Variants in LPP observed in about 807,000 individuals in gnomAD.
The protein encoded by LPP is lipoma-preferred partner.
In LPP, 38 loss-of-function variants were observed where a neutral mutation model predicts 60.4. The ratio of observed to expected loss-of-function variants is 0.63; its 90% CI spans 0.49 to 0.83. The LOEUF is 0.83. LPP is among the 40% of genes least tolerant of loss of function. LPP has a pLI of 0.00. For missense variants in LPP, 902 were observed against 783.6 expected (o/e 1.15, Z -1.80); for synonymous variants, 328 against 290.8 (o/e 1.13, Z -1.30).
chr3:188,717,465 T>C (rs1177106896), intron 8 of LPP, among the ~76,000 whole-genome samples: 1 of 152,190 alleles, frequency 6.6e-6, no homozygotes, highest in Non-Finnish European at 1.5e-5. Flanking sequence ...CTTTAGTGGA[T>C]CTTGTTTTCA....
intron 1 of LPP, among the ~76,000 whole-genome samples, chr3:188,194,481 A>G (rs1050619095): frequency 6.6e-6 from 1 of 152,146 alleles, no homozygotes; most frequent in Non-Finnish European, 1.5e-5. Context: ...CGTCCTGCCC[A>G]ATCTGTTTAC....
intron 9 of LPP, among the ~76,000 whole-genome samples, chr3:188,778,691 C>A (rs571535144): frequency 2.6e-5 from 4 of 152,230 alleles, no homozygotes; most frequent in Admixed American, 2.6e-4. Flanking sequence ...ATGAGAAAAT[C>A]AGGCTTGATT....
At chr3:188,479,332 T>A (rs1181277490) in intron 4 of LPP, among the ~76,000 whole-genome samples, 2 of 152,172 alleles carry the variant, frequency 1.3e-5, no homozygotes, top group Non-Finnish European at 2.9e-5. Context: ...GACATGTCAC[T>A]GCCAGTGCAG....
At position 188,886,835 on chromosome 3, in the gene LPP, A is replaced by G. The variant is rs1378870818; in HGVS notation, c.*12356A>G. ...AAGCACTTGGGTTTTCAGGCCAGAA[A>G]ATTAATAAATCCTAAACCTGACCCA... On this transcript the variant is annotated 3_prime_UTR_variant, in exon 12 of 12. Coordinates refer to ENST00000617246, the MANE Select transcript of LPP (RefSeq NM_001375462.1). 4.3e-6 allele frequency: 1 copy of G among 230,504 alleles called. No homozygotes were observed. Among genetic ancestry groups the G allele is most frequent in the Non-Finnish European group, 8.6e-6 (1 of 116,508 alleles). The allele number at this position is 230,504 out of a possible 1,614,324, so 14.3% of individuals were successfully genotyped here.
intron 9 of LPP, among the ~76,000 whole-genome samples, chr3:188,798,756 A>G (rs6809183): frequency 0.64 from 97,804 of 152,142 alleles, 31,944 homozygotes; most frequent in East Asian, 0.91. Context: ...TCATAACAAC[A>G]TGGGAAGCCC....
intron 3 of LPP, among the ~76,000 whole-genome samples, chr3:188,374,077 T>C (rs1774158037): frequency 6.6e-6 from 1 of 152,208 alleles, no homozygotes. Context: ...ATCTCTGTTT[T>C]GGTACCCGTA....
chr3:188,213,843 C>T (rs536454002), intron 1 of LPP, among the ~76,000 whole-genome samples: 1 of 152,092 alleles, frequency 6.6e-6, no homozygotes, highest in South Asian at 2.1e-4. Flanking sequence ...ATGCAATTTT[C>T]CCTGAGAGAA....
chr3:188,294,141 G>A (rs1747031939), intron 2 of LPP, among the ~76,000 whole-genome samples: 1 of 150,724 alleles, frequency 6.6e-6, no homozygotes, highest in Non-Finnish European at 1.5e-5. Flanking sequence ...GCCCACAATA[G>A]GCAAATCTAT....
chr3:188,507,135 C>T (rs962357577), intron 5 of LPP, among the ~76,000 whole-genome samples: 2 of 152,120 alleles, frequency 1.3e-5, no homozygotes, highest in African/African-American at 4.8e-5. Flanking sequence ...AGAATAGCTA[C>T]TTGATTGATA....
At chr3:188,314,305 TTTAA>T (rs1301685664) in intron 2 of LPP, among the ~76,000 whole-genome samples, 1 of 152,152 alleles carries the variant, frequency 6.6e-6, no homozygotes, top group Non-Finnish European at 1.5e-5. Flanking sequence ...TTGTTGTTGT[TTTAA>T]TTGAGACTGG....
In LPP at chr3:188,273,706, G is replaced by A. The variant is rs143972666; in HGVS notation, c.-67+48179G>A. 1.4e-3 allele frequency among the ~76,000 whole-genome samples: 195 copies of A among 140,738 alleles called. 1 individual carries two copies. In the East Asian group the frequency reaches 0.036, roughly 26 times the overall value. 92.3% of individuals were successfully genotyped at this position (140,738 alleles called of 152,430 possible). A position where few individuals can be genotyped will look rare whatever the true frequency, so the allele number is the denominator to read the frequency against. Reference sequence around the variant, plus strand: ...CACCTCCTGGGTTCAAGCGATTCTCGTGCCTCAGCCTCCCTAGTAGCTGGG... The same window carrying A: ...CACCTCCTGGGTTCAAGCGATTCTCATGCCTCAGCCTCCCTAGTAGCTGGG... On this transcript the variant is annotated intron_variant, in intron 2 of 11. Coordinates refer to ENST00000617246, the MANE Select transcript of LPP (RefSeq NM_001375462.1).
chr3:188,479,270 C>T (rs1028343504), intron 4 of LPP, among the ~76,000 whole-genome samples: 1 of 152,156 alleles, frequency 6.6e-6, no homozygotes, highest in African/African-American at 2.4e-5. Context: ...ACCAAAAATT[C>T]TCCCCTCAAC....
intron 6 of LPP, among the ~76,000 whole-genome samples, chr3:188,599,966 G>A (rs575475377): frequency 3.6e-4 from 54 of 151,890 alleles, no homozygotes; most frequent in African/African-American, 1.2e-3. Flanking sequence ...TCATTTATAA[G>A]GTTACTTTTT....
At chr3:188,712,015 A>G (rs1317294389) in intron 8 of LPP, 1 of 152,190 alleles carries the variant, frequency 6.6e-6, no homozygotes, top group Non-Finnish European at 1.5e-5. Flanking sequence ...TGTCCACGTG[A>G]GAAGTAGCAA....
chr3:188,179,127 C>A, intron 1 of LPP: 4 of 357,666 alleles, frequency 1.1e-5, no homozygotes, highest in Non-Finnish European at 2.2e-5. Flanking sequence ...GTTTTGAGAG[C>A]ATTGATATGG....
At chr3:188,708,769 A>T (rs111973676) in intron 8 of LPP, 1 of 295,198 alleles carries the variant, frequency 3.4e-6, no homozygotes, top group African/African-American at 2.1e-5. Context: ...GAGGCTGGAG[A>T]ATCACCTGAG....
chr3:188,456,493 C>T (rs1160882170), intron 4 of LPP, among the ~76,000 whole-genome samples: 1 of 152,172 alleles, frequency 6.6e-6, no homozygotes, highest in Admixed American at 6.6e-5. Flanking sequence ...AAGATATCAG[C>T]AGAGGCTTAG....
intron 5 of LPP, among the ~76,000 whole-genome samples, chr3:188,505,827 T>C (rs1813289287): frequency 6.6e-6 from 1 of 152,202 alleles, no homozygotes; most frequent in South Asian, 2.1e-4. Flanking sequence ...CAACTGCATA[T>C]CTGTAACCAC....
intron 4 of LPP, among the ~76,000 whole-genome samples, chr3:188,450,856 G>A (rs1324533744): frequency 3.9e-5 from 6 of 151,900 alleles, no homozygotes; most frequent in Non-Finnish European, 7.4e-5. Context: ...GATTGATTTC[G>A]TTAGTGATAC....
Sources: allele counts gnomAD v4.1 joint callset (sites outside exome capture counted in the v4.1 genomes callset), GRCh38; gene constraint gnomAD v4.1.1; transcripts MANE v1.5; gene names NCBI Gene and HGNC (gene_info 2026-07-23, HGNC 2026-07-21).